The following IRF2 variants were observed in gnomAD, a reference collection of about 807,000 sequenced individuals.
IRF2 encodes interferon regulatory factor 2.
IRF2 carries 15 observed loss-of-function variants against 40.6 expected under a neutral mutation model. The observed-to-expected ratio is 0.37, with a 90% CI of 0.25 to 0.57. The LOEUF (loss-of-function observed/expected upper bound fraction) is 0.57, where lower values mean the gene tolerates loss of function less well. Ranked by LOEUF, IRF2 falls within the 20% of genes least tolerant of loss-of-function variation. The pLI, the probability that IRF2 is intolerant of heterozygous loss-of-function variation, is 0.77. For missense variants in IRF2, 317 were observed against 455.7 expected (o/e 0.70, Z 2.77); for synonymous variants, 151 against 165.5 (o/e 0.91, Z 0.67).
chr4:184,442,914 G>A (rs1265712487), intron 1 of IRF2, among the ~76,000 whole-genome samples: 4 of 149,590 alleles, frequency 2.7e-5, no homozygotes, highest in Non-Finnish European at 4.5e-5. Context: ...TGGGGGCAGC[G>A]GGGTGGGAGG....
intron 1 of IRF2, among the ~76,000 whole-genome samples, chr4:184,449,858 G>A (rs1350648858): frequency 1.3e-5 from 2 of 152,176 alleles, no homozygotes; most frequent in African/African-American, 2.4e-5. Flanking sequence ...TTAGTATGGT[G>A]ACCAAGCCAA....
intron 1 of IRF2, among the ~76,000 whole-genome samples, chr4:184,431,261 G>A (rs1422654665): frequency 6.6e-6 from 1 of 152,172 alleles, no homozygotes; most frequent in African/African-American, 2.4e-5. Flanking sequence ...TCATTCATTT[G>A]TTCCATTCAT....
chr4:184,451,926 GTCTGGGACTCTTCC>G (rs1176418942), intron 1 of IRF2, among the ~76,000 whole-genome samples: 1 of 152,232 alleles, frequency 6.6e-6, no homozygotes, highest in Admixed American at 6.5e-5. Context: ...GTTAGCAGCT[GTCTGGGACTCTTCC>G]TAAAAGAGGA....
At chr4:184,427,669 TA>T (rs979667976) in intron 2 of IRF2, among the ~76,000 whole-genome samples, 1 of 151,152 alleles carries the variant, frequency 6.6e-6, no homozygotes, top group Non-Finnish European at 1.5e-5. Flanking sequence ...AAAATCAAAA[TA>T]AGTGGATAAA....
intron 1 of IRF2, among the ~76,000 whole-genome samples, chr4:184,461,533 A>G (rs1180561831): frequency 2.0e-5 from 3 of 152,154 alleles, no homozygotes; most frequent in Non-Finnish European, 4.4e-5. Flanking sequence ...CCATCTACCT[A>G]CCTGGCTACC....
chr4:184,432,990 C>T (rs896675076), intron 1 of IRF2, among the ~76,000 whole-genome samples: 12 of 152,172 alleles, frequency 7.9e-5, no homozygotes, highest in Admixed American at 7.2e-4. Flanking sequence ...GAAGGGAGAG[C>T]TGCAAAGGCC....
chr4:184,456,613 C>G (rs1195872976), intron 1 of IRF2, among the ~76,000 whole-genome samples: 2 of 152,252 alleles, frequency 1.3e-5, no homozygotes, highest in East Asian at 3.8e-4. Flanking sequence ...ACCCGGCTGA[C>G]GCGCTTTCCT....
Position 184,398,981 on chromosome 4 carries a change from C to T in IRF2, c.628G>A (p.Asp210Asn), listed in dbSNP as rs1561084975. 5 of 1,613,154 alleles carry T rather than the reference C, an allele frequency of 3.1e-6. No individual in the cohort carries two copies. The highest frequency in any genetic ancestry group is 2.2e-5 in the East Asian group (1 of 44,750). The change falls in exon 7 of 9, where the codon GAC becomes AAC. Residue 210 changes from aspartate (D) to asparagine (N), a missense_variant. Physicochemically the swap from Asp to Asn is conservative, Grantham distance 23. Transcript: ENST00000393593. Reference sequence around the variant, plus strand: ...TCGCTCATGCTGACCGGCTGCTCGTCGCTCTCAGTGGTCACCTCTACAACT... The same window carrying T: ...TCGCTCATGCTGACCGGCTGCTCGTTGCTCTCAGTGGTCACCTCTACAACT... Reference protein sequence around the residue: ...CQVVEVTTESDEQPVSMSELY... With the variant: ...CQVVEVTTESNEQPVSMSELY...
chr4:184,422,748 C>G (rs1398981723), intron 2 of IRF2, among the ~76,000 whole-genome samples: 3 of 152,032 alleles, frequency 2.0e-5, no homozygotes, highest in Non-Finnish European at 4.4e-5. Context: ...AGAGAGCAGA[C>G]AGAGAGCAGA....
At chr4:184,434,435 T>C (rs1738007191) in intron 1 of IRF2, among the ~76,000 whole-genome samples, 1 of 152,236 alleles carries the variant, frequency 6.6e-6, no homozygotes, top group South Asian at 2.1e-4. Context: ...CTTCTCTTCT[T>C]GCACATCAGG....
intron 1 of IRF2, among the ~76,000 whole-genome samples, chr4:184,450,909 G>GT (rs1738691189): frequency 6.6e-6 from 1 of 152,142 alleles, no homozygotes; most frequent in African/African-American, 2.4e-5. Context: ...AGACCAGTAC[G>GT]TAAGCAACTG....
intron 7 of IRF2, among the ~76,000 whole-genome samples, chr4:184,396,370 G>A (rs571571053): frequency 2.0e-5 from 3 of 151,582 alleles, no homozygotes; most frequent in South Asian, 4.2e-4. Flanking sequence ...GCTCCCAATC[G>A]TTCCTCCCTC....
intron 2 of IRF2, among the ~76,000 whole-genome samples, chr4:184,420,024 C>T (rs529375042): frequency 7.9e-5 from 12 of 152,294 alleles, no homozygotes; most frequent in Middle Eastern, 3.4e-3. Context: ...TGTGCCACCA[C>T]GCCTGGCCAA....
intron 1 of IRF2, among the ~76,000 whole-genome samples, chr4:184,452,308 A>G (rs1194545282): frequency 1.3e-5 from 2 of 152,216 alleles, no homozygotes; most frequent in Non-Finnish European, 2.9e-5. Context: ...CGAAGACCAT[A>G]GGCTTCGGCC....
chr4:184,449,931 G>C (rs1738655171), intron 1 of IRF2, among the ~76,000 whole-genome samples: 1 of 152,188 alleles, frequency 6.6e-6, no homozygotes, highest in African/African-American at 2.4e-5. Context: ...CAGATATAAA[G>C]AGCGACTGTT....
intron 1 of IRF2, among the ~76,000 whole-genome samples, chr4:184,449,967 C>T (rs1386990186): frequency 6.6e-6 from 1 of 152,272 alleles, no homozygotes; most frequent in Non-Finnish European, 1.5e-5. Context: ...ATGTGAGAAG[C>T]CTCTGGTTGT....
intron 6 of IRF2, among the ~76,000 whole-genome samples, chr4:184,404,368 A>G (rs905969954): frequency 3.3e-5 from 5 of 152,198 alleles, no homozygotes; most frequent in Non-Finnish European, 2.9e-5. Context: ...TTTCTTAATC[A>G]AATATATTTT....
At chr4:184,411,060 T>C (rs1459323748) in intron 5 of IRF2, among the ~76,000 whole-genome samples, 1 of 99,126 alleles carries the variant, frequency 1.0e-5, no homozygotes, top group Non-Finnish European at 2.1e-5. Flanking sequence ...CTCTCCACAC[T>C]TTTTTTTTTT....
chr4:184,472,187 A>AT (rs1310417319), intron 1 of IRF2: 1 of 152,176 alleles, frequency 6.6e-6, no homozygotes, highest in Non-Finnish European at 1.5e-5. Context: ...TTTTCCCAGG[A>AT]TTTTTTAGGT....
Sources: gnomAD v4.1 joint callset for allele counts (sites outside exome capture counted in the v4.1 genomes callset) on GRCh38, gnomAD v4.1.1 for gene constraint, MANE v1.5 for transcripts, NCBI Gene and HGNC (gene_info 2026-07-23, HGNC 2026-07-21) for gene names.